Variants in GOLM1 observed in about 807,000 individuals in gnomAD.
GOLM1 encodes golgi membrane protein 1.
Under a neutral mutation model 50.5 loss-of-function variants are expected in GOLM1, and 31 were observed. The ratio of observed to expected loss-of-function variants is 0.61; its 90% CI spans 0.46 to 0.83. GOLM1 has a LOEUF of 0.83. Ranked by LOEUF, GOLM1 falls within the 40% of genes least tolerant of loss-of-function variation. GOLM1 has a pLI of 0.00. For synonymous variants in GOLM1, 178 were observed against 192.8 expected (o/e 0.92, Z 0.64); for missense variants, 491 against 501.3 (o/e 0.98, Z 0.20).
Position 86,077,606 on chromosome 9 carries a change from T to C in GOLM1, c.130-15A>G. 6.2e-7 allele frequency: 1 copy of C among 1,606,858 alleles called. No homozygotes were observed. Among genetic ancestry groups the C allele is most frequent in the Non-Finnish European group, 8.5e-7 (1 of 1,174,400 alleles). The stretch of plus-strand genomic sequence containing the variant: ...ATGATCCGTGTCTACAAGGAGACCG[T>C]GGCATTAGGGCTGATGCCAAGTTAC... On this transcript the variant is annotated splice_polypyrimidine_tract_variant and intron_variant, in intron 2 of 9. Transcript: ENST00000388712.
intron 3 of GOLM1, among the ~76,000 whole-genome samples, chr9:86,067,228 AC>A (rs1834333616): frequency 6.6e-6 from 1 of 152,164 alleles, no homozygotes; most frequent in South Asian, 2.1e-4. Context: ...CCTGGCCCAG[AC>A]CCAAATTATT....
intron 3 of GOLM1, 97 bp downstream of exon 3, chr9:86,077,314 TA>T: frequency 1.0e-6 from 1 of 972,740 alleles, no homozygotes; most frequent in Non-Finnish European, 1.6e-6. Context: ...TACATAAATC[TA>T]AACCCAGCCG....
intron 8 of GOLM1, among the ~76,000 whole-genome samples, chr9:86,033,929 A>G (rs1433005851): frequency 6.6e-6 from 1 of 151,602 alleles, no homozygotes; most frequent in Non-Finnish European, 1.5e-5. Context: ...TTTAACTTAC[A>G]TATTTTATAT....
chr9:86,050,044 A>G (rs934030134), intron 4 of GOLM1, among the ~76,000 whole-genome samples: 2 of 152,194 alleles, frequency 1.3e-5, no homozygotes, highest in African/African-American at 4.8e-5. Context: ...ACGTCCCATC[A>G]ATACCTAGTT....
intron 9 of GOLM1, among the ~76,000 whole-genome samples, chr9:86,029,804 T>A (rs1293198956): frequency 6.6e-6 from 1 of 152,234 alleles, no homozygotes; most frequent in African/African-American, 2.4e-5. Flanking sequence ...CTACTTACTT[T>A]GTTTAAAACC....
At chr9:86,097,114 G>T (rs907067346) in intron 1 of GOLM1, among the ~76,000 whole-genome samples, 1 of 148,020 alleles carries the variant, frequency 6.8e-6, no homozygotes, top group African/African-American at 2.5e-5. Flanking sequence ...CTGTGTGAAA[G>T]AAAGGAAAGA....
At position 86,094,518 on chromosome 9, in the gene GOLM1, A is replaced by G. The variant is rs527739624; in HGVS notation, c.-22+4893T>C. ...TCTAAAGATTAAAACTTTTAAAATG[A>G]ATGTATAGTGGTAGGTAGTAGAAAC... On this transcript the variant is annotated intron_variant, in intron 1 of 9. Coordinates refer to ENST00000388712, the MANE Select transcript of GOLM1 (RefSeq NM_016548.4). Among the ~76,000 whole-genome samples the G allele has an allele frequency of 6.6e-5, 10 of 152,336 alleles. No individual in the cohort carries two copies. In the South Asian group the frequency reaches 2.1e-3, roughly 32 times the overall value.
intron 1 of GOLM1, among the ~76,000 whole-genome samples, chr9:86,098,804 A>G (rs868646360): frequency 1.3e-5 from 2 of 152,214 alleles, no homozygotes; most frequent in African/African-American, 4.8e-5. Context: ...GAAAACCCCG[A>G]GCATCCACGA....
chr9:86,057,200 A>G (rs958897210), intron 3 of GOLM1, among the ~76,000 whole-genome samples: 8 of 152,214 alleles, frequency 5.3e-5, no homozygotes, highest in African/African-American at 1.9e-4. Flanking sequence ...TGACCATTCC[A>G]TTCTGGGAAA....
chr9:86,048,817 C>T (rs1833643652), intron 4 of GOLM1, among the ~76,000 whole-genome samples: 2 of 152,142 alleles, frequency 1.3e-5, no homozygotes, highest in Admixed American at 6.5e-5. Context: ...TTCTCCCATT[C>T]TGTAGCTTGC....
intron 7 of GOLM1, 46 bp from the exon 8 acceptor site, chr9:86,035,671 TAAA>T (rs375193474): frequency 0.02 from 17,087 of 856,872 alleles, no homozygotes; most frequent in East Asian, 0.027. Flanking sequence ...GCATTTGATT[TAAA>T]AAAAAAAAAA....
At chr9:86,056,331 C>A (rs1833985656) in intron 3 of GOLM1, among the ~76,000 whole-genome samples, 1 of 151,718 alleles carries the variant, frequency 6.6e-6, no homozygotes, top group Non-Finnish European at 1.5e-5. Flanking sequence ...AAAAAAGGAT[C>A]ATAAAATGCC....
At chr9:86,069,224 C>A (rs370043607) in intron 3 of GOLM1, among the ~76,000 whole-genome samples, 1 of 151,256 alleles carries the variant, frequency 6.6e-6, no homozygotes, top group East Asian at 1.9e-4. Context: ...TTTTTGTTTT[C>A]AAATTTGCTT....
rs141196207 is a variant in GOLM1 at position 86,035,512 on chromosome 9, C to T, written c.871G>A (p.Gly291Arg). Reference sequence around the variant, plus strand: ...GTCTGGCCCAGTTCTCCGGCTCCCCCGAAGCCTCTTCCACCTACAGGTCTG... The same window carrying T: ...GTCTGGCCCAGTTCTCCGGCTCCCCTGAAGCCTCTTCCACCTACAGGTCTG... ...EDRPVGGRGF[G>R]GAGELGQTPQ... The change falls in exon 8 of 10, where the codon GGG (glycine) becomes AGG (arginine). Residue 291 changes from glycine (G) to arginine (R), a missense_variant. By Grantham distance (125) the Gly-to-Arg change is moderately radical. Coordinates refer to ENST00000388712, the MANE Select transcript of GOLM1 (RefSeq NM_016548.4). The T allele has an allele frequency of 6.2e-6, 10 of 1,612,692 alleles. No individual in the cohort carries two copies. The highest frequency in any genetic ancestry group is 1.6e-4 in the Middle Eastern group (1 of 6,084).
intron 4 of GOLM1, among the ~76,000 whole-genome samples, chr9:86,047,558 G>A (rs898795759): frequency 1.3e-5 from 2 of 152,166 alleles, no homozygotes; most frequent in Non-Finnish European, 2.9e-5. Flanking sequence ...CGCAGGGCAT[G>A]GGTGGGGGGT....
chr9:86,044,158 T>A (rs1833456146), intron 5 of GOLM1, among the ~76,000 whole-genome samples: 1 of 152,216 alleles, frequency 6.6e-6, no homozygotes, highest in Admixed American at 6.5e-5. Context: ...AGCAGCCTCC[T>A]TGTAAGCCAT....
At chr9:86,060,316 C>T (rs534956569) in intron 3 of GOLM1, among the ~76,000 whole-genome samples, 46 of 151,960 alleles carry the variant, frequency 3.0e-4, no homozygotes, top group African/African-American at 9.6e-4. Flanking sequence ...ACAGGGAAAG[C>T]GGGGAGAGGG....
chr9:86,028,028 G>GAGTT (rs1415320580), intron 9 of GOLM1, 135 bp from the exon 10 acceptor site: 3 of 604,012 alleles, frequency 5.0e-6, no homozygotes, highest in African/African-American at 3.7e-5. Context: ...CTGTAATTGG[G>GAGTT]AGTTGTATTC....
chr9:86,044,313 T>G (rs1298889981), intron 5 of GOLM1, among the ~76,000 whole-genome samples: 1 of 152,256 alleles, frequency 6.6e-6, no homozygotes, highest in African/African-American at 2.4e-5. Context: ...GCTCATGTCC[T>G]CTACAGAGAC....
Sources: gnomAD v4.1 joint callset for allele counts (sites outside exome capture counted in the v4.1 genomes callset) on GRCh38, gnomAD v4.1.1 for gene constraint, MANE v1.5 for transcripts, NCBI Gene and HGNC (gene_info 2026-07-23, HGNC 2026-07-21) for gene names.